The following HNF4G variants were observed in gnomAD, a reference collection of about 807,000 sequenced individuals.
The protein encoded by HNF4G is hepatocyte nuclear factor 4-gamma.
A neutral mutation model predicts 50.9 loss-of-function variants in HNF4G; 21 were observed. That is an observed-to-expected ratio of 0.41 (90% confidence interval 0.29 to 0.59). The LOEUF is 0.59. Ranked by LOEUF, HNF4G falls within the 20% of genes least tolerant of loss-of-function variation. HNF4G has a pLI of 0.26. For missense variants in HNF4G, 527 were observed against 559.4 expected, an observed-to-expected ratio of 0.94 and a Z score of 0.58; for synonymous variants, 198 against 185.6, an observed-to-expected ratio of 1.07 and a Z score of -0.54.
chr8:75,432,600 C>G (rs1411717188), intron 1 of HNF4G, among the ~76,000 whole-genome samples: 1 of 152,120 alleles, frequency 6.6e-6, no homozygotes, highest in South Asian at 2.1e-4. Context: ...CATGCCCAGC[C>G]AGAATTTACC....
chr8:75,420,229 G>T (rs890894035), intron 1 of HNF4G, among the ~76,000 whole-genome samples: 1 of 152,168 alleles, frequency 6.6e-6, no homozygotes, highest in Non-Finnish European at 1.5e-5. Flanking sequence ...CTCTACTGCT[G>T]CTATGTTGTC....
At chr8:75,476,960 T>C (rs557347013) in intron 1 of HNF4G, among the ~76,000 whole-genome samples, 27 of 152,340 alleles carry the variant, frequency 1.8e-4, no homozygotes, top group Non-Finnish European at 3.5e-4. Flanking sequence ...GAAAACTAAG[T>C]ATAAACATTT....
rs1454079207 is a variant in HNF4G, at chr8:75,539,918, G to C, written c.-45G>C. The C allele has an allele frequency of 4.1e-5, 35 of 855,228 alleles. No homozygotes were observed. The highest frequency in any genetic ancestry group is 1.8e-5 in the Admixed American group (1 of 55,910). 53.0% of individuals were successfully genotyped at this position (855,228 alleles called of 1,614,324 possible). The stretch of plus-strand genomic sequence containing the variant: ...CAAAACACATCAAAACACTCATCAC[G>C]CACTCTGGGCTTGTGGTGCCACTTG... On this transcript the variant is annotated 5_prime_UTR_variant, in exon 1 of 10. Coordinates refer to ENST00000396423, the MANE Select transcript of HNF4G (RefSeq NM_004133.5).
intron 3 of HNF4G, among the ~76,000 whole-genome samples, chr8:75,550,370 T>C (rs1806913451): frequency 6.6e-6 from 1 of 152,078 alleles, no homozygotes; most frequent in East Asian, 1.9e-4. Flanking sequence ...TGGTGTGCAG[T>C]GGTGCGATCT....
intron 2 of HNF4G, among the ~76,000 whole-genome samples, chr8:75,517,943 C>A (rs958822045): frequency 6.6e-6 from 1 of 151,932 alleles, no homozygotes; most frequent in Non-Finnish European, 1.5e-5. Flanking sequence ...CATTTCCATA[C>A]ACCCGCTGAA....
intron 1 of HNF4G, among the ~76,000 whole-genome samples, chr8:75,462,081 C>T (rs1443984175): frequency 6.6e-6 from 1 of 151,632 alleles, no homozygotes; most frequent in Non-Finnish European, 1.5e-5. Context: ...CCATGGCTGT[C>T]TAATTTTGTA....
intron 1 of HNF4G, among the ~76,000 whole-genome samples, chr8:75,428,342 T>C (rs1193855481): frequency 6.6e-6 from 1 of 152,204 alleles, no homozygotes; most frequent in Non-Finnish European, 1.5e-5. Flanking sequence ...ATATGCATGC[T>C]TTCATCTCTG....
chr8:75,418,294 A>C (rs1044281440), intron 1 of HNF4G, among the ~76,000 whole-genome samples: 1 of 152,008 alleles, frequency 6.6e-6, no homozygotes, highest in Non-Finnish European at 1.5e-5. Context: ...TACCTTAGTT[A>C]TTTCTTTCTG....
In HNF4G at chr8:75,455,522, C is replaced by T. The variant is rs373430598; in HGVS notation, c.-143-34567C>T. 8.5e-5 allele frequency among the ~76,000 whole-genome samples: 13 copies of T among 152,242 alleles called. No homozygotes were observed. In the South Asian group the frequency reaches 2.5e-3, roughly 29 times the overall value. Reference sequence around the variant, plus strand: ...ATCAATTGCCCCAACCTGGTGTTTCCTGTTATGCATGAACTTGGGGAACTA... The same window carrying T: ...ATCAATTGCCCCAACCTGGTGTTTCTTGTTATGCATGAACTTGGGGAACTA... On this transcript the variant is annotated intron_variant, in intron 1 of 10. Transcript: ENST00000354370.
intron 8 of HNF4G, among the ~76,000 whole-genome samples, chr8:75,559,281 T>TG (rs200907264): frequency 0.64 from 96,948 of 150,506 alleles, 32,974 homozygotes; most frequent in African/African-American, 0.87. Context: ...TTGTTTGTTT[T>TG]TTTTTTTTTT....
At chr8:75,448,558 TTA>T (rs1367227994) in intron 1 of HNF4G, among the ~76,000 whole-genome samples, 2 of 150,386 alleles carry the variant, frequency 1.3e-5, no homozygotes, top group Non-Finnish European at 3.0e-5. Flanking sequence ...TAATATAAGA[TTA>T]TATGATGTAA....
chr8:75,525,084 G>A (rs1231093725), intron 2 of HNF4G, among the ~76,000 whole-genome samples: 2 of 152,186 alleles, frequency 1.3e-5, no homozygotes, highest in Non-Finnish European at 2.9e-5. Context: ...GACAGATGAG[G>A]TCATAGCAGT....
chr8:75,537,418 G>C (rs1806494240), upstream of HNF4G, among the ~76,000 whole-genome samples: 1 of 151,758 alleles, frequency 6.6e-6, no homozygotes, highest in South Asian at 2.1e-4. Context: ...TAGTTTTTTT[G>C]TATTTTTAGT....
At chr8:75,429,653 T>A (rs1810961101) in intron 1 of HNF4G, among the ~76,000 whole-genome samples, 1 of 152,176 alleles carries the variant, frequency 6.6e-6, no homozygotes, top group Non-Finnish European at 1.5e-5. Context: ...TGACGTTTCA[T>A]AAAAGTGTAG....
At position 75,558,508 on chromosome 8, in the gene HNF4G, T is replaced by C; in HGVS notation, c.734-10T>C. 6.2e-7 allele frequency: 1 copy of C among 1,600,374 alleles called. No individual in the cohort carries two copies. Among genetic ancestry groups the C allele is most frequent in the South Asian group, 1.1e-5 (1 of 88,096 alleles). ...TTTTGTTTTGTTTTGTTTTGTTTTC[T>C]CTCTCATAGGAAACAACTATGTTAT... is the stretch of plus-strand genomic sequence containing the variant. On this transcript the variant is annotated splice_polypyrimidine_tract_variant and intron_variant, in intron 6 of 9. Coordinates refer to ENST00000396423, the MANE Select transcript of HNF4G (RefSeq NM_004133.5).
chr8:75,532,930 CTATT>C (rs1423809717), intron 2 of HNF4G, among the ~76,000 whole-genome samples: 2 of 151,982 alleles, frequency 1.3e-5, no homozygotes, highest in African/African-American at 4.8e-5. Context: ...AATGGTTCAG[CTATT>C]TGTCTCTTTA....
chr8:75,557,578 G>T (rs886986135), intron 6 of HNF4G, among the ~76,000 whole-genome samples: 1 of 152,182 alleles, frequency 6.6e-6, no homozygotes, highest in African/African-American at 2.4e-5. Context: ...CTGAGATCGT[G>T]CCACTGCACT....
chr8:75,500,771 A>C (rs1053324486), intron 2 of HNF4G, among the ~76,000 whole-genome samples: 3 of 152,174 alleles, frequency 2.0e-5, no homozygotes, highest in Non-Finnish European at 2.9e-5. Flanking sequence ...TGCACACAAA[A>C]TATTGTACAA....
intron 1 of HNF4G, among the ~76,000 whole-genome samples, chr8:75,427,265 T>G (rs1486231012): frequency 6.6e-6 from 1 of 152,094 alleles, no homozygotes; most frequent in Non-Finnish European, 1.5e-5. Flanking sequence ...TAATTAACTG[T>G]TGAAATAAAA....
Sources: gnomAD v4.1 joint callset for allele counts (sites outside exome capture counted in the v4.1 genomes callset) on GRCh38, gnomAD v4.1.1 for gene constraint, MANE v1.5 for transcripts, NCBI Gene and HGNC (gene_info 2026-07-23, HGNC 2026-07-21) for gene names.